CADM2: variants seen among roughly 807,000 people sequenced by gnomAD.
The protein encoded by CADM2 is cell adhesion molecule 2.
A neutral mutation model predicts 49.8 loss-of-function variants in CADM2; 12 were observed. The observed-to-expected ratio is 0.24, with a 90% CI of 0.15 to 0.39. The LOEUF (loss-of-function observed/expected upper bound fraction) is 0.39, where lower values mean the gene tolerates loss of function less well. Among genes scored for constraint, CADM2 ranks in the 10% least tolerant of loss-of-function variants. CADM2 has a pLI of 1.00. For missense variants in CADM2, 378 were observed against 492.3 expected, an observed-to-expected ratio of 0.77 and a Z score of 2.20; for synonymous variants, 214 against 175.4, an observed-to-expected ratio of 1.22 and a Z score of -1.74.
chr3:85,854,031 G>A (rs922766546), intron 3 of CADM2, among the ~76,000 whole-genome samples: 1 of 152,130 alleles, frequency 6.6e-6, no homozygotes, highest in Non-Finnish European at 1.5e-5. Flanking sequence ...AGATGCATAC[G>A]TGGTCAGCTG....
At chr3:85,079,522 T>C (rs938181593) in intron 1 of CADM2, among the ~76,000 whole-genome samples, 2 of 151,818 alleles carry the variant, frequency 1.3e-5, no homozygotes, top group Non-Finnish European at 1.5e-5. Flanking sequence ...ATGTTCACAA[T>C]GAGAAATAAA....
At chr3:85,652,772 C>CTTTTCTTTTTTTTTTTTTTTTTTTTTT (rs1553655456) in intron 1 of CADM2, among the ~76,000 whole-genome samples, 1 of 50,784 alleles carries the variant, frequency 2.0e-5, no homozygotes, top group Non-Finnish European at 3.5e-5. Flanking sequence ...TTTTTCTTTT[C>CTTTTCTTTTTTTTTTTTTTTTTTTTTT]TTTTTTTTTT....
chr3:86,062,723 G>A (rs1738824280), intron 8 of CADM2, among the ~76,000 whole-genome samples: 1 of 152,058 alleles, frequency 6.6e-6, no homozygotes, highest in Non-Finnish European at 1.5e-5. Flanking sequence ...CCTGGGAGGT[G>A]GAGGTTGCAG....
At chr3:85,802,347 T>C in intron 3 of CADM2, 151 bp downstream of exon 3, 1 of 674,064 alleles carries the variant, frequency 1.5e-6, no homozygotes, top group Non-Finnish European at 2.3e-6. Flanking sequence ...AATACTTTAG[T>C]TTGCAAGTCA....
At chr3:85,107,050 A>T (rs2038254638) in intron 1 of CADM2, among the ~76,000 whole-genome samples, 1 of 152,104 alleles carries the variant, frequency 6.6e-6, no homozygotes, top group Non-Finnish European at 1.5e-5. Flanking sequence ...AGGTAAGATA[A>T]CAACTGATTG....
chr3:85,658,574 G>GTATATATA (rs1553656698), intron 1 of CADM2, among the ~76,000 whole-genome samples: 10 of 55,466 alleles, frequency 1.8e-4, no homozygotes, highest in Admixed American at 1.4e-3. Flanking sequence ...TTGGATATAT[G>GTATATATA]TGTATATATA....
At chr3:85,681,573 C>T (rs189378058) in intron 1 of CADM2, among the ~76,000 whole-genome samples, 17 of 152,048 alleles carry the variant, frequency 1.1e-4, no homozygotes, top group Non-Finnish European at 2.1e-4. Flanking sequence ...GATATCAGAA[C>T]GGCATAACAT....
At chr3:85,898,332 C>T (rs1715556779) in intron 5 of CADM2, among the ~76,000 whole-genome samples, 1 of 151,714 alleles carries the variant, frequency 6.6e-6, no homozygotes, top group Non-Finnish European at 1.5e-5. Context: ...TTAAATTTTG[C>T]AATTTATTAA....
At chr3:85,544,552 G>A (rs2061620753) in intron 1 of CADM2, among the ~76,000 whole-genome samples, 1 of 152,002 alleles carries the variant, frequency 6.6e-6, no homozygotes, top group African/African-American at 2.4e-5. Flanking sequence ...ACTCCTGCCT[G>A]GGCGACAGAT....
intron 2 of CADM2, among the ~76,000 whole-genome samples, chr3:85,768,328 C>T (rs2069774458): frequency 6.6e-6 from 1 of 151,788 alleles, no homozygotes; most frequent in Non-Finnish European, 1.5e-5. Context: ...CACCTGCAGT[C>T]CCAGCTACTT....
chr3:85,684,225 G>A (rs373457962), intron 1 of CADM2, among the ~76,000 whole-genome samples: 1 of 152,262 alleles, frequency 6.6e-6, no homozygotes, highest in Middle Eastern at 3.4e-3. Context: ...GATATGAAAG[G>A]ATTAATTCAA....
At chr3:85,094,743 T>G (rs80234396) in intron 1 of CADM2, among the ~76,000 whole-genome samples, 5 of 152,212 alleles carry the variant, frequency 3.3e-5, no homozygotes. Flanking sequence ...TTGTACCAAG[T>G]GCATACTTTT....
intron 1 of CADM2, among the ~76,000 whole-genome samples, chr3:85,034,709 C>T (rs990176371): frequency 4.0e-5 from 6 of 150,798 alleles, no homozygotes; most frequent in African/African-American, 1.5e-4. Flanking sequence ...ACATTCCCAC[C>T]AACAGTATAC....
chr3:86,030,816 T>C (rs950981413), intron 8 of CADM2, among the ~76,000 whole-genome samples: 1 of 151,946 alleles, frequency 6.6e-6, no homozygotes, highest in Non-Finnish European at 1.5e-5. Flanking sequence ...TAACTTATAA[T>C]GTAGTATACA....
rs896281124 is a variant in CADM2, at chr3:86,072,275, A to G, written c.*5492A>G. 6.6e-6 allele frequency: 1 copy of G among 151,742 alleles called. No homozygotes were observed. Among genetic ancestry groups the G allele is most frequent in the Non-Finnish European group, 1.5e-5 (1 of 67,848 alleles). The allele number at this position is 151,742 out of a possible 1,614,324, so 9.4% of individuals were successfully genotyped here. A position where few individuals can be genotyped will look rare whatever the true frequency, so the allele number is the denominator to read the frequency against. On this transcript the variant is annotated 3_prime_UTR_variant, in exon 10 of 10. Coordinates refer to ENST00000383699, the MANE Select transcript of CADM2 (RefSeq NM_001167675.2). ...AATAATATTTGGTTGATCTTCACAT[A>G]TTTTATATGCATATATATATCAAGA... is the stretch of plus-strand genomic sequence containing the variant.
chr3:85,089,576 G>T (rs551547705), intron 1 of CADM2, among the ~76,000 whole-genome samples: 1 of 152,220 alleles, frequency 6.6e-6, no homozygotes, highest in South Asian at 2.1e-4. Flanking sequence ...TAGAGGATTA[G>T]ACCTGGTCAG....
At chr3:85,088,210 G>T (rs1224572994) in intron 1 of CADM2, among the ~76,000 whole-genome samples, 1 of 151,964 alleles carries the variant, frequency 6.6e-6, no homozygotes, top group African/African-American at 2.4e-5. Flanking sequence ...AATTCATATT[G>T]GTTCTTGCCG....
At chr3:85,885,654 C>T (rs1168088832) in intron 4 of CADM2, among the ~76,000 whole-genome samples, 1 of 146,216 alleles carries the variant, frequency 6.8e-6, no homozygotes. Flanking sequence ...TGCACTCCAG[C>T]CTGGGGTCAG....
chr3:85,131,686 T>A (rs2039234297), intron 1 of CADM2, among the ~76,000 whole-genome samples: 2 of 152,202 alleles, frequency 1.3e-5, no homozygotes, highest in African/African-American at 2.4e-5. Context: ...GATTATGTCA[T>A]AATGACCCTT....
Sources: gnomAD v4.1 joint callset for allele counts (sites outside exome capture counted in the v4.1 genomes callset) on GRCh38, gnomAD v4.1.1 for gene constraint, MANE v1.5 for transcripts, NCBI Gene and HGNC (gene_info 2026-07-23, HGNC 2026-07-21) for gene names.